Variants in HAUS1 observed in about 807,000 individuals in gnomAD.
HAUS1 encodes HAUS augmin-like complex subunit 1.
HAUS1 carries 25 observed loss-of-function variants against 38.6 expected under a neutral mutation model. The observed-to-expected ratio is 0.65, with a 90% confidence interval of 0.47 to 0.91. The LOEUF (loss-of-function observed/expected upper bound fraction) is 0.91. Among genes scored for constraint, HAUS1 ranks in the 40% least tolerant of loss-of-function variants. The pLI is 0.00. For synonymous variants in HAUS1, 109 were observed against 112.9 expected, an observed-to-expected ratio of 0.97 and a Z score of 0.22; for missense variants, 325 against 328.4, an observed-to-expected ratio of 0.99 and a Z score of 0.08.
chr18:46,114,448 T>C (rs148218973), intron 2 of HAUS1, among the ~76,000 whole-genome samples: 126 of 152,268 alleles, frequency 8.3e-4, no homozygotes, highest in African/African-American at 3.0e-3. Flanking sequence ...AGGAACTGCT[T>C]GGTAGAGAGG....
chr18:46,117,594 C>T (rs1468157383), intron 2 of HAUS1, among the ~76,000 whole-genome samples: 3 of 152,032 alleles, frequency 2.0e-5, no homozygotes, highest in Admixed American at 1.3e-4. Context: ...TTTGGGAGGC[C>T]AAGGCTGGCA....
intron 4 of HAUS1, among the ~76,000 whole-genome samples, 177 bp from the exon 5 acceptor site, chr18:46,122,290 C>T (rs1333600470): frequency 6.8e-6 from 1 of 146,598 alleles, no homozygotes; most frequent in Admixed American, 6.9e-5. Context: ...GGTGACAGAC[C>T]AAGACCTCAT....
chr18:46,118,133 A>T lies in HAUS1; in HGVS notation c.206-48A>T, dbSNP rs751929121. The T allele has an allele frequency of 1.3e-5, 21 of 1,599,748 alleles. No homozygotes were observed. In the South Asian group the frequency reaches 1.8e-4, roughly 14 times the overall value. ...TTATGTCTTGATAAAGCTGTTAAAA[A>T]TTTTTAAAAAAGCAAACAGTCACTA... On this transcript the variant is annotated intron_variant, in intron 2 of 8. Coordinates refer to ENST00000282058, the MANE Select transcript of HAUS1 (RefSeq NM_138443.4).
intron 4 of HAUS1, among the ~76,000 whole-genome samples, 162 bp from the exon 5 acceptor site, chr18:46,122,305 T>A (rs12968820): frequency 0.17 from 23,341 of 140,296 alleles, 2,586 homozygotes; most frequent in East Asian, 0.4. Context: ...CCTCATCTCT[T>A]AAAAAAAAAA....
At chr18:46,106,462 C>A (rs1340323758) in intron 2 of HAUS1, among the ~76,000 whole-genome samples, 1 of 150,112 alleles carries the variant, frequency 6.7e-6, no homozygotes, top group African/African-American at 2.4e-5. Context: ...GAGCAAGACT[C>A]CGTCTCAAAA....
chr18:46,128,175 C>T lies in HAUS1; in HGVS notation c.*50C>T. The T allele has an allele frequency of 8.5e-7, 1 of 1,174,162 alleles. No individual in the cohort carries two copies. 72.7% of individuals were successfully genotyped at this position (1,174,162 alleles called of 1,614,324 possible). On this transcript the variant is annotated 3_prime_UTR_variant, in exon 9 of 9. Coordinates refer to ENST00000282058, the MANE Select transcript of HAUS1 (RefSeq NM_138443.4). ...CCCTAACAAAGTAAATTGAATAGGA[C>T]TTTACAGAGTTCTTTTTCCTCTTGG... is the stretch of plus-strand genomic sequence containing the variant.
intron 1 of HAUS1, 54 bp downstream of exon 1, chr18:46,104,495 C>G: frequency 7.2e-7 from 1 of 1,397,872 alleles, no homozygotes; most frequent in African/African-American, 1.5e-5. Flanking sequence ...GTTTTTGACA[C>G]CCCCGCGCCG....
chr18:46,117,494 GA>G (rs1911824560), intron 2 of HAUS1, among the ~76,000 whole-genome samples: 2 of 152,152 alleles, frequency 1.3e-5, no homozygotes, highest in South Asian at 4.1e-4. Context: ...TAAAGACAGG[GA>G]GTGGTTGCTA....
chr18:46,128,044 C>T (rs762384797), intron 8 of HAUS1, 31 bp from the exon 9 acceptor site: 10 of 1,388,076 alleles, frequency 7.2e-6, no homozygotes, highest in Non-Finnish European at 9.9e-6. Context: ...TGTTTTATGT[C>T]CTTATCTATG....
In HAUS1 at chr18:46,128,321, G is replaced by T; in HGVS notation, c.*196G>T. The stretch of plus-strand genomic sequence containing the variant: ...AAATACATAGTTTTCATATTAAAAA[G>T]CCTTTTCTCTTACTTTGTTTCTGTG... On this transcript the variant is annotated 3_prime_UTR_variant, in exon 9 of 9. Coordinates refer to ENST00000282058, the MANE Select transcript of HAUS1 (RefSeq NM_138443.4). 2.3e-6 allele frequency: 1 copy of T among 440,596 alleles called. No individual in the cohort carries two copies. The allele number at this position is 440,596 out of a possible 1,614,324, so 27.3% of individuals were successfully genotyped here.
At chr18:46,114,637 G>A (rs75246939) in intron 2 of HAUS1, among the ~76,000 whole-genome samples, 1,757 of 152,218 alleles carry the variant, frequency 0.012, 38 homozygotes, top group African/African-American at 0.04. Context: ...GCTGGGACTT[G>A]GACGCAGTAG....
At chr18:46,117,499 G>A (rs917230471) in intron 2 of HAUS1, among the ~76,000 whole-genome samples, 1 of 152,136 alleles carries the variant, frequency 6.6e-6, no homozygotes, top group Non-Finnish European at 1.5e-5. Flanking sequence ...ACAGGGAGTG[G>A]TTGCTAGGGT....
Position 46,104,403 on chromosome 18 carries a change from G to C in HAUS1, c.-9G>C. The C allele has an allele frequency of 6.9e-7, 1 of 1,454,632 alleles. No individual in the cohort carries two copies. Among genetic ancestry groups the C allele is most frequent in the Admixed American group, 2.4e-5 (1 of 42,082 alleles). The allele number at this position is 1,454,632 out of a possible 1,614,324, so 90.1% of individuals were successfully genotyped here. ...AGGAGTTCCTAGTAAAGTGGCGGGA[G>C]CCGCAGCTATGGAGCCGCAGGAGGA... is the stretch of plus-strand genomic sequence containing the variant. On this transcript the variant is annotated 5_prime_UTR_variant, in exon 1 of 9. Coordinates refer to ENST00000282058, the MANE Select transcript of HAUS1 (RefSeq NM_138443.4).
chr18:46,120,261 G>A (rs1403499558), intron 4 of HAUS1, among the ~76,000 whole-genome samples: 1 of 151,070 alleles, frequency 6.6e-6, no homozygotes, highest in Non-Finnish European at 1.5e-5. Flanking sequence ...TTGAAACGGA[G>A]TCTCACTCTG....
rs1233604906 is a variant in HAUS1, at chr18:46,119,949, T to A, written c.365T>A (p.Leu122Ter). 6.2e-7 allele frequency: 1 copy of A among 1,604,966 alleles called. No individual in the cohort carries two copies. The highest frequency in any genetic ancestry group is 8.5e-7 in the Non-Finnish European group (1 of 1,177,580). Residue 122 changes from leucine (L) to a stop codon, truncating the protein, a stop_gained, in exon 4 of 9, where the codon TTG (leucine) becomes TAG (stop). Coordinates refer to ENST00000282058, the MANE Select transcript of HAUS1 (RefSeq NM_138443.4). LOFTEE classifies it high-confidence loss of function. ...AGTTTTATCCCTGCAGTGAATGATT[T>A]GACCTCTGATCTCTTTCGTACCAAA... ...LASFIPAVND[L>*]TSDLFRTKSK... is the part of the protein sequence containing the mutation.
chr18:46,123,020 A>G lies in HAUS1; in HGVS notation c.601-279A>G, dbSNP rs187643717. On this transcript the variant is annotated intron_variant, in intron 5 of 8. Coordinates refer to ENST00000282058, the MANE Select transcript of HAUS1 (RefSeq NM_138443.4). ...AGGTCAGGAGATCGAGACCATCCTG[A>G]CTAACACAGTGAAACCCCGTCTCTA... Among the ~76,000 whole-genome samples the G allele has an allele frequency of 5.0e-4, 76 of 152,146 alleles. 1 individual carries two copies. Among genetic ancestry groups the G allele is most frequent in the African/African-American group, 1.6e-3 (65 of 41,528 alleles).
At chr18:46,105,939 T>C (rs1599803966) in intron 2 of HAUS1, among the ~76,000 whole-genome samples, 1 of 152,308 alleles carries the variant, frequency 6.6e-6, no homozygotes, top group African/African-American at 2.4e-5. Context: ...GGTACTCTGA[T>C]AGCAAAACAG....
chr18:46,121,589 A>G (rs968557787), intron 4 of HAUS1: 6 of 152,096 alleles, frequency 3.9e-5, no homozygotes, highest in Admixed American at 2.0e-4. Context: ...AATATTTTCC[A>G]TATTATTTCT....
chr18:46,112,305 A>G (rs1251528050), intron 2 of HAUS1, among the ~76,000 whole-genome samples: 1 of 128,766 alleles, frequency 7.8e-6, no homozygotes, highest in Non-Finnish European at 1.6e-5. Context: ...TATATATTCC[A>G]TATTATATAT....
Sources: allele counts gnomAD v4.1 joint callset (sites outside exome capture counted in the v4.1 genomes callset), GRCh38; gene constraint gnomAD v4.1.1; transcripts MANE v1.5; gene names NCBI Gene and HGNC (gene_info 2026-07-23, HGNC 2026-07-21).